SLC4A10: variants seen among roughly 807,000 people sequenced by gnomAD.
The protein encoded by SLC4A10 is solute carrier family 4 member 10.
SLC4A10 carries 42 observed loss-of-function variants against 137.7 expected under a neutral mutation model. The observed-to-expected ratio is 0.30, with a 90% CI of 0.24 to 0.39. The LOEUF is 0.39. Ranked by LOEUF, SLC4A10 falls within the 10% of genes least tolerant of loss-of-function variation. The pLI is 1.00. For missense variants in SLC4A10, 925 were observed against 1,355.0 expected, an observed-to-expected ratio of 0.68 and a Z score of 4.98; for synonymous variants, 474 against 464.1, an observed-to-expected ratio of 1.02 and a Z score of -0.27.
intron 19 of SLC4A10, among the ~76,000 whole-genome samples, chr2:161,953,942 T>A: frequency 6.6e-6 from 1 of 152,208 alleles, no homozygotes; most frequent in East Asian, 1.9e-4. Context: ...AAATATCTAC[T>A]TGGGTTTTTT....
intron 1 of SLC4A10, among the ~76,000 whole-genome samples, chr2:161,659,998 A>G (rs939437297): frequency 2.0e-5 from 3 of 148,258 alleles, no homozygotes; most frequent in African/African-American, 7.4e-5. Flanking sequence ...TGGGGTGAAG[A>G]GGGGATGAGG....
intron 15 of SLC4A10, among the ~76,000 whole-genome samples, chr2:161,913,591 C>G (rs1302974188): frequency 6.6e-6 from 1 of 152,182 alleles, no homozygotes; most frequent in African/African-American, 2.4e-5. Flanking sequence ...CAAAGTCCCT[C>G]TGAATATTTC....
chr2:161,756,496 T>C (rs2049662114), intron 1 of SLC4A10, among the ~76,000 whole-genome samples: 1 of 152,206 alleles, frequency 6.6e-6, no homozygotes, highest in Non-Finnish European at 1.5e-5. Flanking sequence ...TTGCTCATAC[T>C]ACATTTTTAG....
chr2:161,695,231 G>A (rs1440831308), intron 1 of SLC4A10, among the ~76,000 whole-genome samples: 1 of 151,964 alleles, frequency 6.6e-6, no homozygotes, highest in East Asian at 1.9e-4. Context: ...TTTCTGTTCT[G>A]TGCCATGGAC....
rs143401579 is a variant in SLC4A10 at position 161,658,117 on chromosome 2, A to T, written c.48+33551A>T. Among the ~76,000 whole-genome samples, 586 of 152,286 alleles carry T rather than the reference A, an allele frequency of 3.8e-3. 3 individuals carry two copies. The highest frequency in any genetic ancestry group is 0.027 in the Middle Eastern group (8 of 294). The stretch of plus-strand genomic sequence containing the variant: ...TAGATGTTAACTAACTTGTTAATTT[A>T]GGAGATAGTCAGTCTTTTCAACATA... On this transcript the variant is annotated intron_variant, in intron 1 of 26. Coordinates refer to ENST00000446997, the MANE Select transcript of SLC4A10 (RefSeq NM_001178015.2).
intron 5 of SLC4A10, among the ~76,000 whole-genome samples, chr2:161,859,223 G>T (rs555777961): frequency 6.6e-6 from 1 of 151,892 alleles, no homozygotes; most frequent in Admixed American, 6.6e-5. Flanking sequence ...TATCTGATAG[G>T]ATGAAAAACA....
chr2:161,772,523 T>C (rs2051763959), intron 2 of SLC4A10, among the ~76,000 whole-genome samples: 1 of 151,910 alleles, frequency 6.6e-6, no homozygotes, highest in African/African-American at 2.4e-5. Context: ...TATGCTTTGT[T>C]TGGCATAGTT....
chr2:161,816,317 A>C (rs1280678069), intron 3 of SLC4A10, among the ~76,000 whole-genome samples: 1 of 152,146 alleles, frequency 6.6e-6, no homozygotes, highest in Non-Finnish European at 1.5e-5. Flanking sequence ...TATAGGATAG[A>C]GGAGAATTTA....
chr2:161,898,825 A>G (rs945554235), intron 11 of SLC4A10, among the ~76,000 whole-genome samples: 1 of 152,104 alleles, frequency 6.6e-6, no homozygotes, highest in Admixed American at 6.6e-5. Context: ...ATGTAACCAC[A>G]CTAACTGGTC....
At chr2:161,667,029 C>T (rs2039127513) in intron 1 of SLC4A10, among the ~76,000 whole-genome samples, 1 of 151,552 alleles carries the variant, frequency 6.6e-6, no homozygotes, top group Admixed American at 6.6e-5. Context: ...GAAAGAGTAT[C>T]TATAATGAAA....
At chr2:161,668,162 T>A (rs1455332514) in intron 1 of SLC4A10, among the ~76,000 whole-genome samples, 1 of 151,824 alleles carries the variant, frequency 6.6e-6, no homozygotes, top group South Asian at 2.1e-4. Flanking sequence ...GTATGGAATG[T>A]CAGATTGTCA....
chr2:161,744,024 CTT>C (rs913364047), intron 1 of SLC4A10, among the ~76,000 whole-genome samples: 1 of 151,938 alleles, frequency 6.6e-6, no homozygotes, highest in South Asian at 2.1e-4. Context: ...CTCTAGTAGG[CTT>C]TTTTTGTGGA....
At chr2:161,634,879 G>T (rs952053375) in intron 1 of SLC4A10, among the ~76,000 whole-genome samples, 1 of 151,736 alleles carries the variant, frequency 6.6e-6, no homozygotes, top group Admixed American at 6.6e-5. Flanking sequence ...ACCTTCCCCA[G>T]CCTCTAGTAA....
chr2:161,775,512 T>A (rs1461762477), intron 2 of SLC4A10, among the ~76,000 whole-genome samples: 1 of 151,858 alleles, frequency 6.6e-6, no homozygotes, highest in Non-Finnish European at 1.5e-5. Flanking sequence ...AAGTGGCAAG[T>A]GTGTTGGAGG....
chr2:161,796,878 A>G (rs2054831482), intron 2 of SLC4A10, among the ~76,000 whole-genome samples: 3 of 152,078 alleles, frequency 2.0e-5, no homozygotes, highest in Non-Finnish European at 4.4e-5. Flanking sequence ...CATGTCTTTT[A>G]AATTAATATA....
intron 1 of SLC4A10, among the ~76,000 whole-genome samples, chr2:161,647,919 A>G (rs1423987313): frequency 4.6e-5 from 7 of 152,228 alleles, no homozygotes; most frequent in Non-Finnish European, 8.8e-5. Flanking sequence ...CAATAATACC[A>G]ACCCGATTAA....
intron 1 of SLC4A10, among the ~76,000 whole-genome samples, chr2:161,693,232 C>G (rs1306980670): frequency 6.6e-6 from 1 of 152,074 alleles, no homozygotes. Flanking sequence ...TTGTTCTATA[C>G]AGTTTGGGTA....
At chr2:161,761,070 T>C (rs2050208813) in intron 1 of SLC4A10, among the ~76,000 whole-genome samples, 1 of 152,094 alleles carries the variant, frequency 6.6e-6, no homozygotes, top group African/African-American at 2.4e-5. Context: ...TCATACATTT[T>C]ACATGTGTTA....
At chr2:161,929,280 G>C (rs961916046) in intron 15 of SLC4A10, among the ~76,000 whole-genome samples, 1 of 152,168 alleles carries the variant, frequency 6.6e-6, no homozygotes, top group Non-Finnish European at 1.5e-5. Flanking sequence ...CTGTGCAATG[G>C]TCACCTGTGA....
Sources: allele counts gnomAD v4.1 joint callset (sites outside exome capture counted in the v4.1 genomes callset), GRCh38; gene constraint gnomAD v4.1.1; transcripts MANE v1.5; gene names NCBI Gene and HGNC (gene_info 2026-07-23, HGNC 2026-07-21).